ZC3H7B: variants seen among roughly 807,000 people sequenced by gnomAD.
ZC3H7B encodes zinc finger CCCH-type containing 7B.
In ZC3H7B, 35 loss-of-function variants were observed where a neutral mutation model predicts 116.0. The observed-to-expected ratio is 0.30, with a 90% confidence interval of 0.23 to 0.40. The LOEUF is 0.40. ZC3H7B is among the 10% of genes least tolerant of loss of function. ZC3H7B has a pLI of 1.00. For synonymous variants in ZC3H7B, 502 were observed against 545.6 expected (o/e 0.92, Z 1.11); for missense variants, 1,011 against 1,321.5 (o/e 0.77, Z 3.64).
Position 41,351,554 on chromosome 22 carries a change from TC to T in ZC3H7B, c.1949-3del. On this transcript the variant is annotated splice_polypyrimidine_tract_variant and splice_region_variant and intron_variant, in intron 16 of 22. Coordinates refer to ENST00000352645, the MANE Select transcript of ZC3H7B (RefSeq NM_017590.6). The surrounding 1 kb of genome is among the most constrained non-coding windows in gnomAD (Gnocchi z 5.1). ...AAGATGCCTGTGTCTGCCCCCACCCTCCCCAGGCATGACCCACGAAGACATC... is the reference window on the plus strand; with the variant it reads ...AAGATGCCTGTGTCTGCCCCCACCCTCCCAGGCATGACCCACGAAGACATC... 1 of 1,611,076 alleles carries T rather than the reference TC, an allele frequency of 6.2e-7. No individual in the cohort carries two copies. The highest frequency in any genetic ancestry group is 8.5e-7 in the Non-Finnish European group (1 of 1,178,720).
In ZC3H7B at chr22:41,340,026, G is replaced by A; in HGVS notation, c.1027G>A (p.Gly343Ser). 1.2e-6 allele frequency: 2 copies of A among 1,611,160 alleles called. No individual in the cohort carries two copies. Among genetic ancestry groups the A allele is most frequent in the Non-Finnish European group, 1.7e-6 (2 of 1,179,988 alleles). The change falls in exon 10 of 23, where the codon GGC becomes AGC. Residue 343 changes from glycine to serine, a missense_variant. Physicochemically the swap from Gly to Ser is moderately conservative, Grantham distance 56. Around this residue, in one of 5 missense-constraint regions of ZC3H7B, gnomAD observed 99 missense variants for 89.5 expected, o/e 1.11. Transcript: ENST00000352645. ...ASVLDALDPP[G>S]PTLDPLDLLP... Reference sequence around the variant, plus strand: ...TGTGCTGGATGCCCTCGATCCCCCGGGCCCCACGCTGGACCCCCTGGACCT... The same window carrying A: ...TGTGCTGGATGCCCTCGATCCCCCGAGCCCCACGCTGGACCCCCTGGACCT...
chr22:41,327,680 T>G lies in ZC3H7B; in HGVS notation c.444+316T>G, dbSNP rs1569235339. On this transcript the variant is annotated intron_variant, in intron 5 of 22. Transcript: ENST00000352645. The surrounding 1 kb of genome is among the most constrained non-coding windows in gnomAD (Gnocchi z 4.5). ...GCTCACGCCTGTAATCTCAGCACTT[T>G]CGGAGGCTGAGGCAGGCGGATCACC... Among the ~76,000 whole-genome samples, 1 of 152,218 alleles carries G rather than the reference T, an allele frequency of 6.6e-6. No individual in the cohort carries two copies. Among genetic ancestry groups the G allele is most frequent in the South Asian group, 2.1e-4 (1 of 4,832 alleles).
Position 41,341,064 on chromosome 22 carries a change from C to T in ZC3H7B, c.1139-24C>T, listed in dbSNP as rs367667605. The T allele has an allele frequency of 1.4e-5, 22 of 1,610,766 alleles. No individual in the cohort carries two copies. In the African/African-American group the frequency reaches 2.8e-4, roughly 21 times the overall value. The stretch of plus-strand genomic sequence containing the variant: ...CACGCCTCAGAGCCAGAGCCACTGA[C>T]CCCTGTGTCTTCTCCCTGCCCAGAG... On this transcript the variant is annotated intron_variant, in intron 10 of 22. Coordinates refer to ENST00000352645, the MANE Select transcript of ZC3H7B (RefSeq NM_017590.6).
intron 1 of ZC3H7B, among the ~76,000 whole-genome samples, chr22:41,315,115 A>T (rs966510887): frequency 2.4e-4 from 36 of 151,702 alleles, no homozygotes; most frequent in African/African-American, 8.0e-4. Flanking sequence ...ACAGGGTCTC[A>T]CTCAGTTGCC....
intron 2 of ZC3H7B, among the ~76,000 whole-genome samples, chr22:41,323,775 C>A (rs1457357968): frequency 6.6e-6 from 1 of 152,150 alleles, no homozygotes; most frequent in South Asian, 2.1e-4. Flanking sequence ...TGCAGAGGAC[C>A]TTAAGATGTC....
At chr22:41,318,039 T>C in intron 1 of ZC3H7B, among the ~76,000 whole-genome samples, 1 of 152,250 alleles carries the variant, frequency 6.6e-6, no homozygotes, top group East Asian at 1.9e-4. Context: ...ACAACACATT[T>C]TTTTGTAGAG....
At chr22:41,356,172 G>A in intron 20 of ZC3H7B, 110 bp downstream of exon 20, 1 of 1,441,644 alleles carries the variant, frequency 6.9e-7, no homozygotes, top group Non-Finnish European at 9.3e-7. Context: ...TTGCTACCTG[G>A]GCCCTTCTCC....
intron 20 of ZC3H7B, 90 bp downstream of exon 20, chr22:41,356,152 C>A: frequency 2.8e-6 from 4 of 1,444,252 alleles, no homozygotes; most frequent in Non-Finnish European, 3.7e-6. Context: ...AGAGCGTCCA[C>A]TGCACCCCTT....
At chr22:41,314,883 C>G (rs1452931552) in intron 1 of ZC3H7B, among the ~76,000 whole-genome samples, 1 of 130,254 alleles carries the variant, frequency 7.7e-6, no homozygotes, top group African/African-American at 2.8e-5. Context: ...GCTGGGTTTA[C>G]AGGCATGAGT....
intron 1 of ZC3H7B, among the ~76,000 whole-genome samples, chr22:41,312,465 T>C (rs2036131366): frequency 6.7e-6 from 1 of 150,308 alleles, no homozygotes; most frequent in Non-Finnish European, 1.5e-5. Flanking sequence ...ATAATAATAA[T>C]ACGTCCTACA....
At chr22:41,325,994 C>T in intron 4 of ZC3H7B, 76 bp downstream of exon 4, 4 of 1,492,482 alleles carry the variant, frequency 2.7e-6, no homozygotes, top group South Asian at 2.6e-5. Flanking sequence ...CAGGCCCATA[C>T]CCCAGTGAGC....
rs1263590983 is a variant in ZC3H7B, at chr22:41,358,332, G to C, written c.*903G>C. On this transcript the variant is annotated 3_prime_UTR_variant, in exon 23 of 23. Coordinates refer to ENST00000352645, the MANE Select transcript of ZC3H7B (RefSeq NM_017590.6). ...GGCAGCGCTGCCTGGGGGCTGGGGA[G>C]GGGAGGCCCAGAGGAGGGCTGGCCA... 1 of 152,378 alleles carries C rather than the reference G, an allele frequency of 6.6e-6. No homozygotes were observed. The highest frequency in any genetic ancestry group is 2.1e-4 in the South Asian group (1 of 4,832). The allele number at this position is 152,378 out of a possible 1,614,324, so 9.4% of individuals were successfully genotyped here. A position where few individuals can be genotyped will look rare whatever the true frequency, so the allele number is the denominator to read the frequency against.
At chr22:41,343,808 A>G (rs774055341) in intron 13 of ZC3H7B, among the ~76,000 whole-genome samples, 7 of 152,176 alleles carry the variant, frequency 4.6e-5, no homozygotes, top group Non-Finnish European at 8.8e-5. Flanking sequence ...CATTTGGGAC[A>G]TTCAGCTGGA....
intron 13 of ZC3H7B, 44 bp from the exon 14 acceptor site, chr22:41,345,959 C>G (rs1356233655): frequency 1.2e-6 from 2 of 1,604,112 alleles, no homozygotes; most frequent in South Asian, 2.2e-5. Flanking sequence ...CTGCGGGCTG[C>G]TATCCCCGCC....
chr22:41,311,966 A>T (rs1411528596), intron 1 of ZC3H7B, among the ~76,000 whole-genome samples: 1 of 152,090 alleles, frequency 6.6e-6, no homozygotes, highest in Non-Finnish European at 1.5e-5. Context: ...TTTTAATTAA[A>T]TTAGTTAATT....
chr22:41,331,524 C>T (rs1203529735), intron 6 of ZC3H7B, among the ~76,000 whole-genome samples: 1 of 143,564 alleles, frequency 7.0e-6, no homozygotes, highest in African/African-American at 2.7e-5. Flanking sequence ...CACTGCACTC[C>T]AGCCTGGGCA....
intron 2 of ZC3H7B, among the ~76,000 whole-genome samples, chr22:41,321,940 C>T (rs924533063): frequency 3.7e-5 from 5 of 134,636 alleles, no homozygotes; most frequent in African/African-American, 5.6e-5. Flanking sequence ...CCCGGGTTCA[C>T]GCCATTCTCC....
At chr22:41,306,614 C>A (rs545529682) in intron 1 of ZC3H7B, among the ~76,000 whole-genome samples, 2 of 152,302 alleles carry the variant, frequency 1.3e-5, no homozygotes, top group Admixed American at 6.5e-5. Flanking sequence ...AAGTGGTCCA[C>A]CCGCCTGGGC....
chr22:41,310,305 G>T (rs986439980), intron 1 of ZC3H7B, among the ~76,000 whole-genome samples: 1 of 152,276 alleles, frequency 6.6e-6, no homozygotes, highest in South Asian at 2.1e-4. Flanking sequence ...GACCCCTTCA[G>T]GGGGAGGCAC....
Sources: gnomAD v4.1 joint callset for allele counts (sites outside exome capture counted in the v4.1 genomes callset) on GRCh38, gnomAD v4.1.1 for gene constraint, gnomAD v4.1.1 regional missense constraint, Gnocchi (gnomAD v3.1) non-coding constraint, MANE v1.5 for transcripts, NCBI Gene and HGNC (gene_info 2026-07-23, HGNC 2026-07-21) for gene names.